The following SCLY variants were observed in gnomAD, a reference collection of about 807,000 sequenced individuals.
SCLY encodes putative selenocysteine lyase.
SCLY carries 38 observed loss-of-function variants against 50.1 expected under a neutral mutation model. The observed-to-expected ratio is 0.76, with a 90% CI of 0.59 to 0.99. The LOEUF is 0.99. Ranked by LOEUF, SCLY falls within the 50% of genes least tolerant of loss-of-function variation. The pLI is 0.00. For synonymous variants in SCLY, 243 were observed against 249.4 expected, an observed-to-expected ratio of 0.97 and a Z score of 0.24; for missense variants, 600 against 620.0, an observed-to-expected ratio of 0.97 and a Z score of 0.34.
intron 7 of SCLY, among the ~76,000 whole-genome samples, chr2:238,084,463 T>A (rs2248824): frequency 2.0e-5 from 3 of 151,280 alleles, no homozygotes; most frequent in Non-Finnish European, 4.4e-5. Context: ...TGGTGGCGCA[T>A]GCCTGTAATC....
chr2:238,090,354 CTT>C (rs758793460), intron 7 of SCLY, among the ~76,000 whole-genome samples: 6 of 152,148 alleles, frequency 3.9e-5, no homozygotes, highest in Non-Finnish European at 8.8e-5. Flanking sequence ...TTCAGGCAAA[CTT>C]AAGAAATTAA....
Position 238,098,672 on chromosome 2 carries a change from C to CATGGGACCGCCCACATAGAACCGCCCA in SCLY, c.*317_*318insATGGGACCGCCCACATAGAACCGCCCA. On this transcript the variant is annotated 3_prime_UTR_variant, in exon 12 of 12. Transcript: ENST00000254663. ...GGGACCGCCCACATAGAACCGTCCT[C>CATGGGACCGCCCACATAGAACCGCCCA]CAGTGGTGAAGCGGAAACACTTAGC... is the stretch of plus-strand genomic sequence containing the variant. The CATGGGACCGCCCACATAGAACCGCCCA allele has an allele frequency of 2.4e-6, 1 of 422,802 alleles. No individual in the cohort carries two copies. Among genetic ancestry groups the CATGGGACCGCCCACATAGAACCGCCCA allele is most frequent in the Non-Finnish European group, 4.1e-6 (1 of 241,956 alleles). The allele number at this position is 422,802 out of a possible 1,614,324, so 26.2% of individuals were successfully genotyped here.
chr2:238,065,660 T>TTTATTATTATTATTATTATTATTA (rs61131460), intron 2 of SCLY, among the ~76,000 whole-genome samples: 28 of 143,506 alleles, frequency 2.0e-4, no homozygotes, highest in African/African-American at 5.2e-4. Context: ...AATATTTTAT[T>TTTATTATTATTATTATTATTATTA]TTATTATTAT....
At position 238,093,902 on chromosome 2, in the gene SCLY, C is replaced by T; in HGVS notation, c.963C>T (p.Ala321=). The T allele has an allele frequency of 1.9e-6, 3 of 1,614,030 alleles. No homozygotes were observed. The highest frequency in any genetic ancestry group is 2.5e-6 in the Non-Finnish European group (3 of 1,180,008). ...CCCAGAACTGCGAGGCTTATGAGGC[C>T]CACATGAGGGACGTCCGCGACTACC... ...LVTQNCEAYE[A]HMRDVRDYLE... Residue 321 remains alanine, a synonymous_variant, in exon 9 of 12, where the codon GCC becomes GCT. Transcript: ENST00000254663.
At position 238,061,089 on chromosome 2, in the gene SCLY, C is replaced by T. The variant is rs975983349; in HGVS notation, c.35C>T (p.Pro12Leu). The part of the protein sequence containing the change: ...EAAVAPGRDA[P>L]APAASQPSGC... ...GCCGTGGCGCCGGGGAGGGATGCGC[C>T]GGCACCCGCGGCGAGTCAGCCCAGC... The change falls in exon 1 of 12, where the codon CCG becomes CTG. Residue 12 changes from proline to leucine, a missense_variant. Physicochemically the swap from Pro to Leu is moderately conservative, Grantham distance 98. Transcript: ENST00000254663. 1.4e-6 allele frequency: 2 copies of T among 1,397,978 alleles called. No individual in the cohort carries two copies. Among genetic ancestry groups the T allele is most frequent in the South Asian group, 1.6e-5 (1 of 63,684 alleles). The allele number at this position is 1,397,978 out of a possible 1,614,324, so 86.6% of individuals were successfully genotyped here.
intron 11 of SCLY, 84 bp from the exon 12 acceptor site, chr2:238,098,118 T>G: frequency 6.6e-7 from 1 of 1,505,786 alleles, no homozygotes; most frequent in Non-Finnish European, 8.9e-7. Flanking sequence ...AGAGCCCCAC[T>G]AGGGGAGTGG....
rs1399059664 is a variant in SCLY, at chr2:238,099,278, C to T, written c.*923C>T. The T allele has an allele frequency of 4.2e-6, 2 of 471,738 alleles. No individual in the cohort carries two copies. The highest frequency in any genetic ancestry group is 3.2e-4 in the Middle Eastern group (1 of 3,082). 29.2% of individuals were successfully genotyped at this position (471,738 alleles called of 1,614,324 possible). On this transcript the variant is annotated 3_prime_UTR_variant, in exon 12 of 12. Transcript: ENST00000254663. ...TGGCATTTGGACACACATCACATGT[C>T]GATATTTGCATAGGAGTCATTTTCA...
chr2:238,093,071 T>A (rs1317485045), intron 8 of SCLY: 2 of 152,854 alleles, frequency 1.3e-5, no homozygotes, highest in Admixed American at 1.3e-4. Flanking sequence ...ACCTCTGAAG[T>A]CCGGGGGATG....
In SCLY at chr2:238,069,443, G is replaced by A; in HGVS notation, c.450G>A (p.Leu150=). 1 of 1,613,276 alleles carries A rather than the reference G, an allele frequency of 6.2e-7. No individual in the cohort carries two copies. Among genetic ancestry groups the A allele is most frequent in the Non-Finnish European group, 8.5e-7 (1 of 1,179,630 alleles). ...CGGTGGAACACGACTCCATCCGGCT[G>A]CCCCTGGAGCACCTGGTGGAAGAAC... The part of the protein sequence containing the change: ...TSSVEHDSIR[L]PLEHLVEEQV... Residue 150 remains leucine, a synonymous_variant, in exon 4 of 12, where the codon CTG becomes CTA. Transcript: ENST00000254663. The surrounding 1 kb of genome is among the most constrained non-coding windows in gnomAD (Gnocchi z 5.0).
At chr2:238,063,748 C>T (rs912673993) in intron 1 of SCLY, among the ~76,000 whole-genome samples, 7 of 152,198 alleles carry the variant, frequency 4.6e-5, no homozygotes, top group African/African-American at 1.2e-4. Flanking sequence ...TAAGGCGAAC[C>T]TCTGATGAAG....
rs142743175 is a variant in SCLY at position 238,091,245 on chromosome 2, C to T, written c.912C>T (p.Gly304=). The change falls in exon 8 of 12, where the codon GGC becomes GGT. Residue 304 remains glycine (G), a synonymous_variant. Coordinates refer to ENST00000254663, the MANE Select transcript of SCLY (RefSeq NM_016510.7). ...PGTENTPMIA[G]LGKAAELVTQ... ...CAGAGAACACCCCAATGATTGCTGG[C>T]CTTGGGAAGGTGAGCCCTGGTGAGC... The T allele has an allele frequency of 6.2e-6, 10 of 1,613,630 alleles. No homozygotes were observed. The African/African-American group carries it at 9.3e-5, about 15-fold the overall frequency.
chr2:238,076,249 A>G (rs1053318212), intron 4 of SCLY, among the ~76,000 whole-genome samples: 10 of 151,852 alleles, frequency 6.6e-5, no homozygotes, highest in African/African-American at 2.4e-4. Context: ...GCACCACCAC[A>G]TCTGGCTAAT....
intron 4 of SCLY, among the ~76,000 whole-genome samples, chr2:238,071,153 T>G (rs2065123453): frequency 1.3e-5 from 2 of 152,018 alleles, no homozygotes; most frequent in Admixed American, 6.6e-5. Flanking sequence ...CTCTGGTACC[T>G]TTTTTTCCCT....
In SCLY at chr2:238,082,053, T is replaced by G; in HGVS notation, c.621T>G (p.Pro207=). The change falls in exon 6 of 12, where the codon CCT becomes CCG. Residue 207 remains proline, a synonymous_variant. Transcript: ENST00000254663. ...NNETGIVMPV[P]EISQRIKALN... ...TTTCCTTTCCCCGTCAGCCTGTCCC[T>G]GAAATCAGTCAGCGCATTAAAGCCC... 1 of 1,613,024 alleles carries G rather than the reference T, an allele frequency of 6.2e-7. No individual in the cohort carries two copies. The highest frequency in any genetic ancestry group is 2.2e-5 in the East Asian group (1 of 44,826).
chr2:238,098,380 G>C lies in SCLY; in HGVS notation c.*25G>C, dbSNP rs375591953. On this transcript the variant is annotated 3_prime_UTR_variant, in exon 12 of 12. Transcript: ENST00000254663. Reference sequence around the variant, plus strand: ...GCACTGGGGCCGCCTTCCCCACCCCGCTTCTGGGAAGCCCGTGGCAGGGCA... The same window carrying C: ...GCACTGGGGCCGCCTTCCCCACCCCCCTTCTGGGAAGCCCGTGGCAGGGCA... The C allele has an allele frequency of 2.6e-6, 4 of 1,568,176 alleles. No homozygotes were observed. The highest frequency in any genetic ancestry group is 2.7e-5 in the African/African-American group (2 of 74,266).
chr2:238,088,549 G>A (rs556783337), intron 7 of SCLY, among the ~76,000 whole-genome samples: 4 of 152,260 alleles, frequency 2.6e-5, no homozygotes, highest in Admixed American at 1.3e-4. Context: ...ATGCCAAGGC[G>A]AGAGGATCAC....
intron 7 of SCLY, among the ~76,000 whole-genome samples, chr2:238,086,187 T>G (rs2248623): frequency 0.86 from 130,904 of 152,242 alleles, 56,417 homozygotes; most frequent in East Asian, 0.97. Context: ...GAAGAAGTAA[T>G]CAAAACATTC....
chr2:238,094,686 T>C, intron 10 of SCLY, 164 bp downstream of exon 10: 1 of 624,534 alleles, frequency 1.6e-6, no homozygotes, highest in Non-Finnish European at 2.8e-6. Context: ...CGGGTGGCTG[T>C]GCTGTGGTCC....
intron 3 of SCLY, among the ~76,000 whole-genome samples, chr2:238,068,682 ATTG>A (rs2065099084): frequency 6.6e-6 from 1 of 152,232 alleles, no homozygotes; most frequent in South Asian, 2.1e-4. Context: ...CCTGCTTTGC[ATTG>A]TTATTTCCAT....
Sources: gnomAD v4.1 joint callset for allele counts (sites outside exome capture counted in the v4.1 genomes callset) on GRCh38, gnomAD v4.1.1 for gene constraint, Gnocchi (gnomAD v3.1) non-coding constraint, MANE v1.5 for transcripts, NCBI Gene and HGNC (gene_info 2026-07-23, HGNC 2026-07-21) for gene names.